The following ST7L variants were observed in gnomAD, a reference collection of about 807,000 sequenced individuals.
ST7L encodes suppression of tumorigenicity 7 like, also known as suppressor of tumorigenicity 7 protein-like.
In ST7L, 57 loss-of-function variants were observed where a neutral mutation model predicts 72.5. The observed-to-expected ratio is 0.79, with a 90% CI of 0.64 to 0.98. The LOEUF (loss-of-function observed/expected upper bound fraction) is 0.98. ST7L is among the 50% of genes least tolerant of loss of function. ST7L has a pLI of 0.00. For synonymous variants in ST7L, 221 were observed against 240.9 expected, an observed-to-expected ratio of 0.92 and a Z score of 0.77; for missense variants, 576 against 672.2, an observed-to-expected ratio of 0.86 and a Z score of 1.58.
At chr1:112,548,215 G>A (rs1045784836) in intron 13 of ST7L, among the ~76,000 whole-genome samples, 7 of 152,052 alleles carry the variant, frequency 4.6e-5, no homozygotes, top group African/African-American at 1.7e-4. Flanking sequence ...AAAATTAGCT[G>A]GGCGTGATGG....
Position 112,550,816 on chromosome 1 carries a change from G to T in ST7L, c.1397-123C>A, listed in dbSNP as rs778908373. The T allele has an allele frequency of 9.0e-6, 6 of 664,704 alleles. No individual in the cohort carries two copies. In the East Asian group the frequency reaches 1.7e-4, roughly 19 times the overall value. The allele number at this position is 664,704 out of a possible 1,614,324, so 41.2% of individuals were successfully genotyped here. ...TTTTTTTAGTGAGACATTTAGATACGAGAAACAAAGTAAGCAAAATAATAA... is the reference window on the plus strand; with the variant it reads ...TTTTTTTAGTGAGACATTTAGATACTAGAAACAAAGTAAGCAAAATAATAA... On this transcript the variant is annotated intron_variant, in intron 12 of 14. Coordinates refer to ENST00000358039, the MANE Select transcript of ST7L (RefSeq NM_017744.5).
rs1321520952 is a variant in ST7L, at chr1:112,523,900, TA to T, written c.*2112del. The T allele has an allele frequency of 6.6e-6, 1 of 151,816 alleles. No individual in the cohort carries two copies. The highest frequency in any genetic ancestry group is 2.4e-5 in the African/African-American group (1 of 41,310). The allele number at this position is 151,816 out of a possible 1,614,324, so 9.4% of individuals were successfully genotyped here. Reference sequence around the variant, plus strand: ...GCCAGCCTTAACCTAGCCCTGCAGATAAAAGCTAACTTTTATTAATACCAGC... The same window carrying T: ...GCCAGCCTTAACCTAGCCCTGCAGATAAAGCTAACTTTTATTAATACCAGC... On this transcript the variant is annotated 3_prime_UTR_variant, in exon 15 of 15. Transcript: ENST00000358039.
At position 112,610,929 on chromosome 1, in the gene ST7L, T is replaced by A. The variant is rs1668980210; in HGVS notation, c.363A>T (p.Pro121=). ...IEQVSVSHLQ[P]LMGGTESSIS... is the part of the protein sequence containing the mutation. ...TGCTGCTCTCTGTTCCTCCCATCAG[T>A]GGTTGCAAATGGCTTACAGATACTT... The change falls in exon 3 of 15, where the codon CCA becomes CCT. Residue 121 remains proline (P), a synonymous_variant. Coordinates refer to ENST00000358039, the MANE Select transcript of ST7L (RefSeq NM_017744.5). 1.2e-6 allele frequency: 2 copies of A among 1,614,214 alleles called. No homozygotes were observed. Among genetic ancestry groups the A allele is most frequent in the South Asian group, 2.2e-5 (2 of 91,084 alleles).
At chr1:112,562,687 G>GCAAAGCAGAAC (rs1314677675) in intron 11 of ST7L, among the ~76,000 whole-genome samples, 2 of 152,120 alleles carry the variant, frequency 1.3e-5, no homozygotes, top group African/African-American at 4.8e-5. Flanking sequence ...CTGGCAAAGA[G>GCAAAGCAGAAC]TAAGGCTGGA....
intron 14 of ST7L, among the ~76,000 whole-genome samples, chr1:112,536,797 A>T (rs1358259107): frequency 6.6e-6 from 1 of 152,160 alleles, no homozygotes; most frequent in East Asian, 1.9e-4. Flanking sequence ...CCACATAAAG[A>T]TTAGTAGAAA....
intron 14 of ST7L, among the ~76,000 whole-genome samples, chr1:112,533,292 T>G (rs544083024): frequency 2.0e-4 from 30 of 152,166 alleles, no homozygotes; most frequent in African/African-American, 7.0e-4. Context: ...ATGAATCAGT[T>G]TGAAAGAAAA....
At chr1:112,578,703 G>A (rs1353750983) in intron 9 of ST7L, among the ~76,000 whole-genome samples, 2 of 152,170 alleles carry the variant, frequency 1.3e-5, no homozygotes, top group African/African-American at 4.8e-5. Context: ...GAACCTAGGA[G>A]GCGGAGGTTG....
chr1:112,582,400 C>G lies in ST7L; in HGVS notation c.929G>C (p.Arg310Thr). ...AMCARKLGRI[R>T]EAVKIMRDLM... ...ATCTCTCATTATTTTTACTGCTTCTCTTATTCTTCCTAATTTTCTTGCACA... is the reference window on the plus strand; with the variant it reads ...ATCTCTCATTATTTTTACTGCTTCTGTTATTCTTCCTAATTTTCTTGCACA... Residue 310 changes from arginine (R) to threonine (T), a missense_variant, in exon 8 of 15, where the codon AGA (arginine) becomes ACA (threonine). Physicochemically the swap from Arg to Thr is moderately conservative, Grantham distance 71. This residue lies in a region of ST7L where 511 missense variants were observed against 600.7 expected (regional missense o/e 0.85). Transcript: ENST00000358039. The G allele has an allele frequency of 6.2e-7, 1 of 1,605,224 alleles. No homozygotes were observed.
At chr1:112,542,958 C>T (rs1656407736) in intron 13 of ST7L, among the ~76,000 whole-genome samples, 1 of 151,976 alleles carries the variant, frequency 6.6e-6, no homozygotes, top group African/African-American at 2.4e-5. Context: ...GGCCACTACG[C>T]CCAGCTACTT....
chr1:112,617,903 T>C, intron 1 of ST7L: 1 of 955,118 alleles, frequency 1.0e-6, no homozygotes, highest in African/African-American at 1.7e-5. Flanking sequence ...GTTACAGAGA[T>C]GCCAAATTAG....
At chr1:112,532,074 C>G (rs1006155574) in intron 14 of ST7L, among the ~76,000 whole-genome samples, 1 of 152,086 alleles carries the variant, frequency 6.6e-6, no homozygotes, top group African/African-American at 2.4e-5. Flanking sequence ...AGGGCTTAGC[C>G]AAATTAGAAT....
chr1:112,609,209 T>C (rs1668697824), intron 3 of ST7L, among the ~76,000 whole-genome samples: 1 of 152,112 alleles, frequency 6.6e-6, no homozygotes, highest in Non-Finnish European at 1.5e-5. Flanking sequence ...TAAATTTTCC[T>C]TTCCTAATTA....
chr1:112,563,357 A>C (rs1003080377), intron 11 of ST7L, among the ~76,000 whole-genome samples: 9 of 152,186 alleles, frequency 5.9e-5, no homozygotes, highest in Non-Finnish European at 1.3e-4. Flanking sequence ...ATTCTGTTTG[A>C]GACACATTAA....
At chr1:112,520,458 C>T (rs139266843), downstream of ST7L, 16 of 1,614,054 alleles carry the variant, frequency 9.9e-6, no homozygotes, top group African/African-American at 1.1e-4. Flanking sequence ...ATACTGTGGA[C>T]GTCCATACTT....
At chr1:112,608,899 T>A (rs1444465575) in intron 3 of ST7L, among the ~76,000 whole-genome samples, 1 of 152,244 alleles carries the variant, frequency 6.6e-6, no homozygotes, top group African/African-American at 2.4e-5. Flanking sequence ...AGGCAGTATT[T>A]TTCTACTAAA....
At chr1:112,561,759 C>A (rs1396298460) in intron 11 of ST7L, among the ~76,000 whole-genome samples, 1 of 151,734 alleles carries the variant, frequency 6.6e-6, no homozygotes, top group Non-Finnish European at 1.5e-5. Flanking sequence ...GGATTACAGG[C>A]ATGCGTTGCC....
intron 12 of ST7L, among the ~76,000 whole-genome samples, chr1:112,553,083 T>C (rs868028072): frequency 1.7e-4 from 25 of 145,634 alleles, no homozygotes; most frequent in Admixed American, 5.0e-4. Context: ...TCATTGAGTA[T>C]AGACTTAAAA....
chr1:112,604,071 G>C (rs1667827132), intron 3 of ST7L, among the ~76,000 whole-genome samples: 1 of 152,134 alleles, frequency 6.6e-6, no homozygotes, highest in Non-Finnish European at 1.5e-5. Context: ...ACTTTGGGAG[G>C]CCAAAGTGGG....
Position 112,610,981 on chromosome 1 carries a change from TG to T in ST7L, c.310del (p.His104IlefsTer13). On this transcript the variant is annotated frameshift_variant, in exon 3 of 15. Transcript: ENST00000358039. LOFTEE classifies it high-confidence loss of function. ...CTCAATAAAAGATGTGCCATGCTTATGGAAGTACCACCATTCAAATATCTAT... is the reference window on the plus strand; with the variant it reads ...CTCAATAAAAGATGTGCCATGCTTATGAAGTACCACCATTCAAATATCTAT... ...LIFIFEWWYF[H>X]KHGTSFIEQV... 4 of 1,614,202 alleles carry T rather than the reference TG, an allele frequency of 2.5e-6. No individual in the cohort carries two copies. In the South Asian group the frequency reaches 4.4e-5, roughly 18 times the overall value.
Sources: gnomAD v4.1 joint callset for allele counts (sites outside exome capture counted in the v4.1 genomes callset) on GRCh38, gnomAD v4.1.1 for gene constraint, gnomAD v4.1.1 regional missense constraint, MANE v1.5 for transcripts, NCBI Gene and HGNC (gene_info 2026-07-23, HGNC 2026-07-21) for gene names.